UNC79: variants seen among roughly 807,000 people sequenced by gnomAD.
UNC79 encodes the protein protein unc-79 homolog.
Under a neutral mutation model 283.1 loss-of-function variants are expected in UNC79, and 37 were observed. The ratio of observed to expected loss-of-function variants is 0.13; its 90% CI spans 0.10 to 0.17. The LOEUF (loss-of-function observed/expected upper bound fraction) is 0.17, where lower values mean the gene tolerates loss of function less well. UNC79 is among the 10% of genes least tolerant of loss of function. The pLI is 1.00. For missense variants in UNC79, 2,272 were observed against 3,211.1 expected (o/e 0.71, Z 7.07); for synonymous variants, 1,107 against 1,200.2 (o/e 0.92, Z 1.61).
intron 1 of UNC79, among the ~76,000 whole-genome samples, chr14:93,461,396 T>G (rs910348542): frequency 6.6e-6 from 1 of 152,252 alleles, no homozygotes; most frequent in Non-Finnish European, 1.5e-5. Flanking sequence ...CTTTTATGGC[T>G]TTTGCTCTCA....
chr14:93,379,141 G>A (rs2054616412), intron 1 of UNC79, among the ~76,000 whole-genome samples: 1 of 152,112 alleles, frequency 6.6e-6, no homozygotes, highest in Non-Finnish European at 1.5e-5. Flanking sequence ...ACTACTTCCA[G>A]CTCACACCTG....
At chr14:93,513,215 CTTCCTTCT>C (rs71129644) in intron 7 of UNC79, among the ~76,000 whole-genome samples, 41,935 of 136,016 alleles carry the variant, frequency 0.31, 6,691 homozygotes, top group East Asian at 0.65. Flanking sequence ...TCCTTCCTTC[CTTCCTTCT>C]TTCCTTCCTT....
chr14:93,572,087 G>T lies in UNC79; in HGVS notation c.1946+3G>T. 2 of 1,612,424 alleles carry T rather than the reference G, an allele frequency of 1.2e-6. No individual in the cohort carries two copies. The highest frequency in any genetic ancestry group is 2.2e-5 in the South Asian group (2 of 90,872). ...AAAGAATTCAGGGAAGTATTAAGGT[G>T]GGTAAGTAGTTTAATGAAGTCACTG... On this transcript the variant is annotated splice_donor_region_variant and intron_variant, in intron 15 of 48. Coordinates refer to ENST00000555664, the Ensembl canonical transcript of UNC79.
chr14:93,673,400 A>G, exon 41 of UNC79: 1 of 1,613,536 alleles, frequency 6.2e-7, no homozygotes, highest in Non-Finnish European at 8.5e-7. Context: ...GAACTTCTGC[A>G]GGCCCTAAAG....
At chr14:93,401,770 T>C (rs1440360549) in intron 1 of UNC79, among the ~76,000 whole-genome samples, 2 of 152,174 alleles carry the variant, frequency 1.3e-5, no homozygotes, top group African/African-American at 4.8e-5. Context: ...ATTAGTGATA[T>C]CTCTATTTGA....
intron 2 of UNC79, among the ~76,000 whole-genome samples, chr14:93,472,688 A>G (rs954810896): frequency 1.3e-5 from 2 of 152,142 alleles, no homozygotes; most frequent in Non-Finnish European, 2.9e-5. Flanking sequence ...AATAAATGCA[A>G]ACTTGATAGA....
At chr14:93,637,178 G>C (rs373411183) in intron 31 of UNC79, 38 bp from the exon 35 acceptor site, 28 of 947,578 alleles carry the variant, frequency 3.0e-5, no homozygotes, top group African/African-American at 2.6e-4. Context: ...GTGCTAAGAT[G>C]ACCACATCAA....
intron 1 of UNC79, among the ~76,000 whole-genome samples, chr14:93,355,334 G>T (rs1383393412): frequency 6.6e-6 from 1 of 152,196 alleles, no homozygotes; most frequent in East Asian, 1.9e-4. Context: ...AAGTAGCTGG[G>T]ATTATAGGTG....
chr14:93,557,157 T>C (rs147472162), intron 14 of UNC79, among the ~76,000 whole-genome samples: 13 of 152,248 alleles, frequency 8.5e-5, no homozygotes, highest in Admixed American at 3.9e-4. Context: ...GAGCAGAGAG[T>C]GTGACAAAAT....
At chr14:93,597,639 T>A in intron 24 of UNC79, 99 bp downstream of exon 24, 2 of 1,269,292 alleles carry the variant, frequency 1.6e-6, no homozygotes, top group Non-Finnish European at 2.1e-6. Flanking sequence ...TGACCTGCTA[T>A]AACAGAATAC....
chr14:93,635,468 G>A (rs988130347), intron 31 of UNC79, among the ~76,000 whole-genome samples: 2 of 152,114 alleles, frequency 1.3e-5, no homozygotes, highest in Admixed American at 6.6e-5. Context: ...TTTTAGTATC[G>A]TGATTAATAC....
At chr14:93,476,990 T>C (rs1016462851) in intron 3 of UNC79, among the ~76,000 whole-genome samples, 3 of 152,182 alleles carry the variant, frequency 2.0e-5, no homozygotes, top group Non-Finnish European at 4.4e-5. Flanking sequence ...TGTTTAAAGA[T>C]GTTGTTAGAA....
chr14:93,672,868 G>A lies in UNC79; in HGVS notation c.6637-483G>A, dbSNP rs987106847. Among the ~76,000 whole-genome samples, 6 of 152,316 alleles carry A rather than the reference G, an allele frequency of 3.9e-5. No individual in the cohort carries two copies. The East Asian group carries it at 1.2e-3, about 29-fold the overall frequency. ...GATGAATCAAATAAAGCAAAATGAT[G>A]TGATCTGACAAAGAGGGTGGTAGGT... On this transcript the variant is annotated intron_variant, in intron 40 of 48. Coordinates refer to ENST00000555664, the Ensembl canonical transcript of UNC79.
At chr14:93,415,196 T>C (rs1188744230) in intron 1 of UNC79, among the ~76,000 whole-genome samples, 1 of 152,242 alleles carries the variant, frequency 6.6e-6, no homozygotes, top group Non-Finnish European at 1.5e-5. Flanking sequence ...ATACGTCCCA[T>C]CAATACCTAA....
intron 22 of UNC79, among the ~76,000 whole-genome samples, chr14:93,588,172 G>A (rs945328199): frequency 2.0e-5 from 3 of 152,118 alleles, no homozygotes; most frequent in Non-Finnish European, 4.4e-5. Context: ...AGTATGAAGG[G>A]CCTTGAAGAT....
At chr14:93,445,831 A>G (rs1197470722) in intron 1 of UNC79, among the ~76,000 whole-genome samples, 3 of 152,132 alleles carry the variant, frequency 2.0e-5, no homozygotes, top group Non-Finnish European at 2.9e-5. Flanking sequence ...ATTCTTCTTA[A>G]GTCAGTTATG....
At chr14:93,697,748 T>C (rs554308534) in intron 47 of UNC79, among the ~76,000 whole-genome samples, 1 of 152,236 alleles carries the variant, frequency 6.6e-6, no homozygotes, top group East Asian at 1.9e-4. Context: ...ACCCAGTCTC[T>C]ACCCTGCAAA....
chr14:93,507,307 C>G (rs775513144), intron 7 of UNC79, among the ~76,000 whole-genome samples: 4 of 152,168 alleles, frequency 2.6e-5, no homozygotes, highest in African/African-American at 4.8e-5. Context: ...AGTATCTAAA[C>G]AGTTTTCTAA....
chr14:93,377,239 G>A (rs1473110720), intron 1 of UNC79, among the ~76,000 whole-genome samples: 1 of 151,382 alleles, frequency 6.6e-6, no homozygotes, highest in African/African-American at 2.4e-5. Context: ...ACAGGCGCCC[G>A]CCACCATGCC....
Sources: allele counts gnomAD v4.1 joint callset (sites outside exome capture counted in the v4.1 genomes callset), GRCh38; gene constraint gnomAD v4.1.1; transcripts MANE v1.5; gene names NCBI Gene and HGNC (gene_info 2026-07-23, HGNC 2026-07-21).